POLN: variants seen among roughly 807,000 people sequenced by gnomAD.
The protein encoded by POLN is DNA polymerase nu, also known as DNA polymerase N.
In POLN, 108 loss-of-function variants were observed where a neutral mutation model predicts 113.5. That is an observed-to-expected ratio of 0.95 (90% CI 0.81 to 1.12). The LOEUF (loss-of-function observed/expected upper bound fraction) is 1.12, where lower values mean the gene tolerates loss of function less well. Ranked by LOEUF, POLN falls within the 50% of genes most tolerant of loss-of-function variation. POLN has a pLI of 0.00. For missense variants in POLN, 1,097 were observed against 1,077.1 expected (o/e 1.02, Z -0.26); for synonymous variants, 386 against 391.5 (o/e 0.99, Z 0.17).
chr4:2,235,749 A>G (rs147196147), intron 2 of POLN, among the ~76,000 whole-genome samples: 1 of 149,908 alleles, frequency 6.7e-6, no homozygotes, highest in African/African-American at 2.5e-5. Flanking sequence ...GTCTAGGAAT[A>G]TATATATATG....
intron 7 of POLN, among the ~76,000 whole-genome samples, chr4:2,183,807 T>C (rs2108752861): frequency 6.6e-6 from 1 of 152,290 alleles, no homozygotes; most frequent in African/African-American, 2.4e-5. Flanking sequence ...GAGTGAATTT[T>C]ATGGTATGAA....
intron 19 of POLN, among the ~76,000 whole-genome samples, chr4:2,115,829 G>A (rs925681512): frequency 2.0e-5 from 3 of 152,182 alleles, no homozygotes; most frequent in Non-Finnish European, 4.4e-5. Context: ...GGTTTGAAAT[G>A]TTTTGTGAAT....
At chr4:2,238,548 G>A (rs1437555888) in intron 2 of POLN, 4 of 1,203,582 alleles carry the variant, frequency 3.3e-6, no homozygotes, top group African/African-American at 3.0e-5. Flanking sequence ...ACTCTCTCTA[G>A]TATTTCGCAA....
chr4:2,146,150 A>G (rs1019262045), intron 16 of POLN, among the ~76,000 whole-genome samples: 3 of 152,186 alleles, frequency 2.0e-5, no homozygotes, highest in African/African-American at 7.2e-5. Flanking sequence ...CTAAATGTAG[A>G]ATAGAAAAGG....
chr4:2,127,817 C>T lies in POLN; in HGVS notation c.1982+296G>A, dbSNP rs1237153390. ...TGGCTCACAGCCAGCACCGCGGGCT[C>T]GCTCTTTCCGTGGTGCTCGCCTGCA... On this transcript the variant is annotated intron_variant, in intron 19 of 25. Coordinates refer to ENST00000511885, the MANE Select transcript of POLN (RefSeq NM_181808.4). The surrounding 1 kb of genome is among the most constrained non-coding windows in gnomAD (Gnocchi z 4.7). Among the ~76,000 whole-genome samples the T allele has an allele frequency of 2.0e-5, 3 of 152,242 alleles. No individual in the cohort carries two copies. The highest frequency in any genetic ancestry group is 4.8e-5 in the African/African-American group (2 of 41,472).
intron 14 of POLN, 63 bp from the exon 15 acceptor site, chr4:2,157,974 A>C: frequency 7.4e-7 from 1 of 1,348,542 alleles, no homozygotes; most frequent in Non-Finnish European, 1.0e-6. Flanking sequence ...TGTGGGGGGA[A>C]GGAGTCTCGC....
At chr4:2,204,834 A>G (rs1269853757) in intron 5 of POLN, among the ~76,000 whole-genome samples, 1 of 152,242 alleles carries the variant, frequency 6.6e-6, no homozygotes, top group Non-Finnish European at 1.5e-5. Flanking sequence ...AATTAGAAGC[A>G]AAAATCACAT....
chr4:2,185,622 T>C (rs1733252401), intron 7 of POLN, among the ~76,000 whole-genome samples: 1 of 152,128 alleles, frequency 6.6e-6, no homozygotes, highest in Non-Finnish European at 1.5e-5. Flanking sequence ...GGCACGTGCC[T>C]GTAATCCCAG....
At chr4:2,142,866 C>T (rs1732038275) in intron 16 of POLN, among the ~76,000 whole-genome samples, 1 of 150,734 alleles carries the variant, frequency 6.6e-6, no homozygotes, top group South Asian at 2.1e-4. Flanking sequence ...TGATACCCAG[C>T]CAAGATTTTT....
rs35472254 is a variant in POLN, at chr4:2,085,526, C to T, written c.2197+87G>A. On this transcript the variant is annotated intron_variant, in intron 21 of 25. Transcript: ENST00000511885. ...CAAACCAACCTCAGGACCCAGGGCC[C>T]GCCTGCACACCAACCACGCAGCTGT... 1.5e-4 allele frequency: 240 copies of T among 1,563,968 alleles called. No homozygotes were observed. In the African/African-American group the frequency reaches 2.9e-3, roughly 19 times the overall value.
intron 22 of POLN, 120 bp from the exon 23 acceptor site, chr4:2,081,156 T>C (rs891266049): frequency 2.5e-6 from 4 of 1,598,280 alleles, no homozygotes; most frequent in African/African-American, 1.3e-5. Flanking sequence ...GGCTCTGAGC[T>C]GTCTGAGTGC....
chr4:2,079,832 G>A lies in POLN; in HGVS notation c.2387+1126C>T, dbSNP rs185059718. ...ACTCCTGACCTCAGGTGATCCACCC[G>A]TCTCGGCCTCCCAAAGTGCTGGGAT... is the stretch of plus-strand genomic sequence containing the variant. On this transcript the variant is annotated intron_variant, in intron 23 of 25. Transcript: ENST00000511885. 327 of 975,560 alleles carry A rather than the reference G, an allele frequency of 3.4e-4. 1 individual carries two copies. The Middle Eastern group carries it at 4.8e-3, about 14-fold the overall frequency. The allele number at this position is 975,560 out of a possible 1,614,324, so 60.4% of individuals were successfully genotyped here.
chr4:2,238,548 G>GT, intron 2 of POLN: 1 of 1,203,698 alleles, frequency 8.3e-7, no homozygotes, highest in South Asian at 1.9e-5. Context: ...ACTCTCTCTA[G>GT]TATTTCGCAA....
intron 8 of POLN, among the ~76,000 whole-genome samples, chr4:2,177,010 G>A (rs1733014028): frequency 1.3e-5 from 2 of 152,096 alleles, no homozygotes. Context: ...CATCCCATGG[G>A]ACCAGTGGCT....
chr4:2,193,983 T>C (rs779631290), intron 6 of POLN, among the ~76,000 whole-genome samples: 12 of 152,216 alleles, frequency 7.9e-5, no homozygotes, highest in Non-Finnish European at 1.6e-4. Context: ...ACTTTGAATA[T>C]GGGACTCACA....
chr4:2,105,175 TG>T (rs1225139581), intron 19 of POLN, among the ~76,000 whole-genome samples: 1 of 152,224 alleles, frequency 6.6e-6, no homozygotes. Flanking sequence ...CCCACCCTGC[TG>T]CTGGCCCCCA....
At chr4:2,143,327 G>C (rs1454353440) in intron 16 of POLN, among the ~76,000 whole-genome samples, 1 of 151,942 alleles carries the variant, frequency 6.6e-6, no homozygotes, top group Non-Finnish European at 1.5e-5. Flanking sequence ...AAAAAACAGA[G>C]AAGACACAAA....
At chr4:2,091,598 C>A (rs2108696726) in intron 20 of POLN, among the ~76,000 whole-genome samples, 1 of 152,316 alleles carries the variant, frequency 6.6e-6, no homozygotes, top group Non-Finnish European at 1.5e-5. Context: ...TTTCATAGAA[C>A]TTGTCCCCAC....
At position 2,082,422 on chromosome 4, in the gene POLN, AG is replaced by A. The variant is rs1156819061; in HGVS notation, c.2198-680del. Among the ~76,000 whole-genome samples, 5 of 152,270 alleles carry A rather than the reference AG, an allele frequency of 3.3e-5. No individual in the cohort carries two copies. In the East Asian group the frequency reaches 9.7e-4, roughly 29 times the overall value. On this transcript the variant is annotated intron_variant, in intron 21 of 25. Coordinates refer to ENST00000511885, the MANE Select transcript of POLN (RefSeq NM_181808.4). The stretch of plus-strand genomic sequence containing the variant: ...AAGTGGTCAGCCCACATCCTCAAGG[AG>A]GGGGATGTCTCAGTCAGGTCCAGAC...
Sources: gnomAD v4.1 joint callset for allele counts (sites outside exome capture counted in the v4.1 genomes callset) on GRCh38, gnomAD v4.1.1 for gene constraint, Gnocchi (gnomAD v3.1) non-coding constraint, MANE v1.5 for transcripts, NCBI Gene and HGNC (gene_info 2026-07-23, HGNC 2026-07-21) for gene names.